Variants in PRKN observed in about 807,000 individuals in gnomAD.
The protein encoded by PRKN is parkin RBR E3 ubiquitin protein ligase.
Under a neutral mutation model 59.5 loss-of-function variants are expected in PRKN, and 56 were observed. The observed-to-expected ratio is 0.94, with a 90% CI of 0.76 to 1.18. The LOEUF (loss-of-function observed/expected upper bound fraction) is 1.18. PRKN is among the 50% of genes most tolerant of loss of function. The probability of loss-of-function intolerance (pLI) is 0.00; values close to 1 mark genes in which losing one functional copy is unlikely to be tolerated. For synonymous variants in PRKN, 250 were observed against 222.1 expected (o/e 1.13, Z -1.12); for missense variants, 657 against 596.4 (o/e 1.10, Z -1.06).
At chr6:162,580,073 G>C (rs1562404425) in intron 1 of PRKN, among the ~76,000 whole-genome samples, 1 of 152,204 alleles carries the variant, frequency 6.6e-6, no homozygotes, top group Non-Finnish European at 1.5e-5. Flanking sequence ...GGGCTGAAGA[G>C]TTTGGAGTTC....
chr6:162,588,773 G>C (rs549611725), intron 1 of PRKN, among the ~76,000 whole-genome samples: 1 of 151,850 alleles, frequency 6.6e-6, no homozygotes, highest in Non-Finnish European at 1.5e-5. Flanking sequence ...GGATGGTCTC[G>C]ATCTCCTGAC....
At chr6:162,057,533 A>G (rs532527388) in intron 4 of PRKN, among the ~76,000 whole-genome samples, 1 of 152,364 alleles carries the variant, frequency 6.6e-6, no homozygotes, top group Non-Finnish European at 1.5e-5. Flanking sequence ...AGGAAAAGAA[A>G]TGATACCTAC....
At chr6:162,344,674 A>T (rs928936506) in intron 2 of PRKN, among the ~76,000 whole-genome samples, 2 of 151,334 alleles carry the variant, frequency 1.3e-5, no homozygotes, top group African/African-American at 4.9e-5. Flanking sequence ...TCCTTGAAGC[A>T]GCCCCACTAC....
chr6:162,483,484 A>G (rs1792395067), intron 1 of PRKN, among the ~76,000 whole-genome samples: 1 of 152,038 alleles, frequency 6.6e-6, no homozygotes, highest in South Asian at 2.1e-4. Context: ...TCAGACTGGG[A>G]TACAGATTCA....
chr6:161,859,307 T>C (rs1396271184), intron 6 of PRKN, among the ~76,000 whole-genome samples: 1 of 151,934 alleles, frequency 6.6e-6, no homozygotes, highest in East Asian at 1.9e-4. Context: ...TTCGGTTTTC[T>C]AGAAATGAGA....
intron 3 of PRKN, among the ~76,000 whole-genome samples, chr6:162,232,804 T>A (rs1203796997): frequency 1.3e-5 from 2 of 152,206 alleles, no homozygotes; most frequent in South Asian, 4.1e-4. Flanking sequence ...CAGGACTGTT[T>A]AATGCCAGTA....
chr6:161,563,101 C>T (rs976650431), intron 8 of PRKN, among the ~76,000 whole-genome samples: 10 of 152,042 alleles, frequency 6.6e-5, no homozygotes, highest in Admixed American at 4.6e-4. Context: ...TGCTCTTCTG[C>T]CCACTCCCAT....
rs978989424 is a variant in PRKN, at chr6:162,432,699, C to A, written c.171+10611G>T. 1.7e-3 allele frequency among the ~76,000 whole-genome samples: 258 copies of A among 152,220 alleles called. 2 individuals carry two copies. Among genetic ancestry groups the A allele is most frequent in the African/African-American group, 6.0e-3 (250 of 41,532 alleles). Reference sequence around the variant, plus strand: ...TCATTCTGCTTATCAATTACAGAGGCAAAAATATAACTATTTAAGTGGGTC... The same window carrying A: ...TCATTCTGCTTATCAATTACAGAGGAAAAAATATAACTATTTAAGTGGGTC... On this transcript the variant is annotated intron_variant, in intron 2 of 11. Coordinates refer to ENST00000366898, the MANE Select transcript of PRKN (RefSeq NM_004562.3).
At chr6:162,074,402 T>G in intron 4 of PRKN, among the ~76,000 whole-genome samples, 1 of 143,032 alleles carries the variant, frequency 7.0e-6, no homozygotes, top group South Asian at 2.4e-4. Context: ...ACACCACATA[T>G]TCTCACTCAT....
chr6:162,301,524 G>A (rs754462008), intron 2 of PRKN, among the ~76,000 whole-genome samples: 1 of 152,088 alleles, frequency 6.6e-6, no homozygotes, highest in African/African-American at 2.4e-5. Flanking sequence ...CAAAATCAAA[G>A]TATCTGGACG....
At position 161,530,827 on chromosome 6, in the gene PRKN, C is replaced by G. The variant is rs1779177648; in HGVS notation, c.1083+18027G>C. ...GCCACCACACCTGGCCCAAGGCTTGCTTCTTTTAAGAGAAAAAGGCTGTCA... is the reference window on the plus strand; with the variant it reads ...GCCACCACACCTGGCCCAAGGCTTGGTTCTTTTAAGAGAAAAAGGCTGTCA... On this transcript the variant is annotated intron_variant, in intron 9 of 11. Transcript: ENST00000366898. The surrounding 1 kb of genome is among the most constrained non-coding windows in gnomAD (Gnocchi z 5.0). Among the ~76,000 whole-genome samples, 1 of 152,086 alleles carries G rather than the reference C, an allele frequency of 6.6e-6. No homozygotes were observed. The highest frequency in any genetic ancestry group is 1.5e-5 in the Non-Finnish European group (1 of 68,018).
In PRKN at chr6:161,355,412, T is replaced by C. The variant is rs1394771589; in HGVS notation, c.1285+4676A>G. ...TTTTTGTGTGTTTGTGTTTTATTTATTCTTTTTGAGACGGAGTCTCACTGT... is the reference window on the plus strand; with the variant it reads ...TTTTTGTGTGTTTGTGTTTTATTTACTCTTTTTGAGACGGAGTCTCACTGT... On this transcript the variant is annotated intron_variant, in intron 11 of 11. Coordinates refer to ENST00000366898, the MANE Select transcript of PRKN (RefSeq NM_004562.3). The surrounding 1 kb of genome is among the most constrained non-coding windows in gnomAD (Gnocchi z 6.8). Among the ~76,000 whole-genome samples the C allele has an allele frequency of 6.6e-6, 1 of 152,228 alleles. No homozygotes were observed. The highest frequency in any genetic ancestry group is 1.5e-5 in the Non-Finnish European group (1 of 68,032).
chr6:162,066,141 G>T (rs929316831), intron 4 of PRKN, among the ~76,000 whole-genome samples: 1 of 152,074 alleles, frequency 6.6e-6, no homozygotes, highest in African/African-American at 2.4e-5. Context: ...TTGAGGAATC[G>T]CCACACTGTC....
chr6:161,539,065 C>G (rs759667116), intron 9 of PRKN, among the ~76,000 whole-genome samples: 27 of 152,188 alleles, frequency 1.8e-4, no homozygotes, highest in Non-Finnish European at 3.7e-4. Context: ...GCCCTTACCC[C>G]CAAGGGGCAC....
In PRKN at chr6:161,525,940, C is replaced by G. The variant is rs1266218083; in HGVS notation, c.1083+22914G>C. On this transcript the variant is annotated intron_variant, in intron 9 of 11. Transcript: ENST00000366898. The surrounding 1 kb of genome is among the most constrained non-coding windows in gnomAD (Gnocchi z 4.7). ...ATTTTAAATCTAATTATACCAATGTCTCAAATATATAACAAATATAACAGA... is the reference window on the plus strand; with the variant it reads ...ATTTTAAATCTAATTATACCAATGTGTCAAATATATAACAAATATAACAGA... Among the ~76,000 whole-genome samples the G allele has an allele frequency of 6.6e-6, 1 of 152,054 alleles. No individual in the cohort carries two copies. Among genetic ancestry groups the G allele is most frequent in the African/African-American group, 2.4e-5 (1 of 41,406 alleles).
chr6:162,568,937 G>T, intron 1 of PRKN: 1 of 667,886 alleles, frequency 1.5e-6, no homozygotes. Flanking sequence ...ACAAGGTAGA[G>T]CTGTAGTCTC....
Position 161,548,227 on chromosome 6 carries a change from C to T in PRKN, c.1083+627G>A, listed in dbSNP as rs1422307205. 6.6e-6 allele frequency among the ~76,000 whole-genome samples: 1 copy of T among 152,134 alleles called. No individual in the cohort carries two copies. Among genetic ancestry groups the T allele is most frequent in the East Asian group, 1.9e-4 (1 of 5,194 alleles). The stretch of plus-strand genomic sequence containing the variant: ...GCCTTTTTGTGTTTGAGTTATGCTT[C>T]TTCCCCCCTTGAGCCATCAGCTTGC... On this transcript the variant is annotated intron_variant, in intron 9 of 11. Coordinates refer to ENST00000366898, the MANE Select transcript of PRKN (RefSeq NM_004562.3). This position sits in a 1 kb window ranked among gnomAD's most constrained non-coding sequence, Gnocchi z 4.2.
chr6:161,674,585 G>A (rs1785022686), intron 7 of PRKN, among the ~76,000 whole-genome samples: 1 of 152,086 alleles, frequency 6.6e-6, no homozygotes, highest in East Asian at 1.9e-4. Context: ...AGATTCAGGA[G>A]GTACACGTGC....
At chr6:162,072,244 C>T (rs746428131) in intron 4 of PRKN, among the ~76,000 whole-genome samples, 22 of 152,038 alleles carry the variant, frequency 1.4e-4, no homozygotes, top group East Asian at 3.9e-4. Flanking sequence ...CCCAAGATCA[C>T]GCCACTGCAC....
Sources: gnomAD v4.1 joint callset for allele counts (sites outside exome capture counted in the v4.1 genomes callset) on GRCh38, gnomAD v4.1.1 for gene constraint, Gnocchi (gnomAD v3.1) non-coding constraint, MANE v1.5 for transcripts, NCBI Gene and HGNC (gene_info 2026-07-23, HGNC 2026-07-21) for gene names.